PLAUR: variants seen among roughly 807,000 people sequenced by gnomAD.
The protein encoded by PLAUR is plasminogen activator, urokinase receptor.
A neutral mutation model predicts 33.4 loss-of-function variants in PLAUR; 22 were observed. The ratio of observed to expected loss-of-function variants is 0.66; its 90% CI spans 0.47 to 0.94. PLAUR has a LOEUF of 0.94. Among genes scored for constraint, PLAUR ranks in the 40% least tolerant of loss-of-function variants. PLAUR has a pLI of 0.00. For synonymous variants in PLAUR, 148 were observed against 167.3 expected (o/e 0.88, Z 0.89); for missense variants, 408 against 434.7 (o/e 0.94, Z 0.55).
chr19:43,656,789 A>G (rs531067472), intron 3 of PLAUR, 149 bp from the exon 4 acceptor site: 41 of 629,342 alleles, frequency 6.5e-5, no homozygotes, highest in African/African-American at 6.1e-4. Context: ...GAATCTTTCT[A>G]GAATCCACCC....
chr19:43,668,469 GCTC>G (rs1449594512), intron 1 of PLAUR: 1 of 182,390 alleles, frequency 5.5e-6, no homozygotes, highest in Non-Finnish European at 9.6e-6. Context: ...CCTCCCTCTA[GCTC>G]CTCCTTGAGA....
chr19:43,665,612 C>A (rs1291929722), intron 2 of PLAUR, among the ~76,000 whole-genome samples, 153 bp from the exon 3 acceptor site: 1 of 145,396 alleles, frequency 6.9e-6, no homozygotes, highest in East Asian at 2.1e-4. Flanking sequence ...TAGAGTTAAC[C>A]TTGCCTCCAC....
chr19:43,662,141 C>T (rs1471695918), intron 3 of PLAUR, among the ~76,000 whole-genome samples: 2 of 152,172 alleles, frequency 1.3e-5, no homozygotes, highest in Non-Finnish European at 2.9e-5. Flanking sequence ...GTTGGTTTCC[C>T]CTCATCTACT....
At chr19:43,663,318 CACACA>C (rs1967084985) in intron 3 of PLAUR, among the ~76,000 whole-genome samples, 10 of 146,448 alleles carry the variant, frequency 6.8e-5, no homozygotes, top group African/African-American at 2.6e-4. Context: ...CACACACACA[CACACA>C]CACACACACA....
In PLAUR at chr19:43,668,054, C is replaced by T. The variant is rs1210319436; in HGVS notation, c.56-363G>A. On this transcript the variant is annotated intron_variant, in intron 1 of 6. Transcript: ENST00000340093. ...TTAGGTCTTTCTCACCGCACCGGCCCTCGGTCGATTACGCCTCTCCAGTTC... is the reference window on the plus strand; with the variant it reads ...TTAGGTCTTTCTCACCGCACCGGCCTTCGGTCGATTACGCCTCTCCAGTTC... 2.8e-6 allele frequency: 3 copies of T among 1,064,580 alleles called. No individual in the cohort carries two copies. The African/African-American group carries it at 5.0e-5, about 18-fold the overall frequency. 65.9% of individuals were successfully genotyped at this position (1,064,580 alleles called of 1,614,324 possible). A position where few individuals can be genotyped will look rare whatever the true frequency, so the allele number is the denominator to read the frequency against.
intron 2 of PLAUR, among the ~76,000 whole-genome samples, chr19:43,666,434 A>T (rs344787): frequency 0.55 from 82,727 of 151,724 alleles, 22,616 homozygotes; most frequent in African/African-American, 0.57. Context: ...GCTGACTGAC[A>T]TAAAGTCGTT....
At chr19:43,647,137 G>T (rs890462088), downstream of PLAUR, among the ~76,000 whole-genome samples, 7 of 152,244 alleles carry the variant, frequency 4.6e-5, no homozygotes, top group Non-Finnish European at 8.8e-5. Context: ...TGTAATTTTT[G>T]TCTCCATGGG....
chr19:43,652,382 G>A lies in PLAUR; in HGVS notation c.608-11C>T, dbSNP rs1974032996. The A allele has an allele frequency of 1.9e-6, 3 of 1,613,132 alleles. No individual in the cohort carries two copies. The East Asian group carries it at 6.7e-5, about 36-fold the overall frequency. On this transcript the variant is annotated splice_polypyrimidine_tract_variant and intron_variant, in intron 5 of 6. Transcript: ENST00000340093. ...TTTCAAGCTCCAGGACTTAGGAGAA[G>A]ACCAGAGACACAGAGACCAAGAAAA...
Position 43,652,171 on chromosome 19 carries a change from C to T in PLAUR, c.754+54G>A, listed in dbSNP as rs767576031. ...AGCTTAACTGGAAGTCAATCTCTTGCGGAACTCTCCACCCCCAATAAGTGT... is the reference window on the plus strand; with the variant it reads ...AGCTTAACTGGAAGTCAATCTCTTGTGGAACTCTCCACCCCCAATAAGTGT... On this transcript the variant is annotated intron_variant, in intron 6 of 6. Transcript: ENST00000340093. The T allele has an allele frequency of 8.0e-5, 127 of 1,592,892 alleles. No homozygotes were observed. The East Asian group carries it at 1.1e-3, about 14-fold the overall frequency.
intron 1 of PLAUR, chr19:43,668,131 C>G (rs1487343397): frequency 7.0e-6 from 7 of 1,000,544 alleles, no homozygotes; most frequent in Non-Finnish European, 8.4e-6. Flanking sequence ...TATGTTATAC[C>G]GTCACTCCCA....
downstream of PLAUR, among the ~76,000 whole-genome samples, chr19:43,647,060 G>A (rs949749304): frequency 2.0e-5 from 3 of 152,040 alleles, no homozygotes; most frequent in African/African-American, 2.4e-5. Flanking sequence ...GATTACAGGC[G>A]TGAACCACCA....
intron 3 of PLAUR, 41 bp downstream of exon 3, chr19:43,665,275 G>A (rs1967175746): frequency 3.1e-6 from 5 of 1,603,464 alleles, no homozygotes; most frequent in Non-Finnish European, 4.3e-6. Context: ...TTGAGCTGGG[G>A]ATGGCTTGGG....
chr19:43,669,645 C>G (rs922261288), intron 1 of PLAUR, among the ~76,000 whole-genome samples: 1 of 151,036 alleles, frequency 6.6e-6, no homozygotes, highest in African/African-American at 2.4e-5. Flanking sequence ...AACCCGGTCT[C>G]CACTAAAAAT....
downstream of PLAUR, chr19:43,646,698 C>T (rs1973829710): frequency 1.7e-6 from 1 of 591,696 alleles, no homozygotes; most frequent in African/African-American, 1.9e-5. Context: ...TTCTTTAAGC[C>T]ACTACAGTGA....
intron 1 of PLAUR, 195 bp from the exon 2 acceptor site, chr19:43,667,886 A>C: frequency 1.4e-6 from 2 of 1,416,786 alleles, no homozygotes; most frequent in South Asian, 1.5e-5. Flanking sequence ...CACCCCACTA[A>C]CTGAACGTTC....
In PLAUR at chr19:43,655,514, A is replaced by C. The variant is rs747046808; in HGVS notation, c.532T>G (p.Ser178Ala). Residue 178 changes from serine to alanine, a missense_variant, in exon 5 of 7, where the codon TCC (serine) becomes GCC (alanine). Coordinates refer to ENST00000340093, the MANE Select transcript of PLAUR (RefSeq NM_002659.4). Reference protein sequence around the residue: ...GCGYLPGCPGSNGFHNNDTFH... With the variant: ...GCGYLPGCPGANGFHNNDTFH... ...GTGTCGTTGTTGTGGAAACCATTGG[A>C]GCCCGGGCAGCCGGGAAGGTAGCCA... is the stretch of plus-strand genomic sequence containing the variant. The C allele has an allele frequency of 2.5e-6, 4 of 1,614,170 alleles. No homozygotes were observed.
downstream of PLAUR, among the ~76,000 whole-genome samples, chr19:43,646,788 C>CTTTTTTT (rs71169269): frequency 1.9e-5 from 2 of 104,860 alleles, no homozygotes; most frequent in Admixed American, 1.1e-4. Context: ...TGGAAGATGT[C>CTTTTTTT]TTTTTTTTTT....
chr19:43,655,063 G>A (rs1288439332), intron 5 of PLAUR, among the ~76,000 whole-genome samples: 1 of 151,932 alleles, frequency 6.6e-6, no homozygotes, highest in African/African-American at 2.4e-5. Flanking sequence ...ATCACTTGAG[G>A]TCAGGAGTTC....
chr19:43,657,842 T>C (rs1049072100), intron 3 of PLAUR, among the ~76,000 whole-genome samples: 4 of 152,210 alleles, frequency 2.6e-5, no homozygotes, highest in African/African-American at 9.6e-5. Context: ...CCTTCTATTG[T>C]TCCCTGTGGT....
Sources: allele counts gnomAD v4.1 joint callset (sites outside exome capture counted in the v4.1 genomes callset), GRCh38; gene constraint gnomAD v4.1.1; transcripts MANE v1.5; gene names NCBI Gene and HGNC (gene_info 2026-07-23, HGNC 2026-07-21).